Variants in RYR3 observed in about 807,000 individuals in gnomAD.
The protein encoded by RYR3 is brain ryanodine receptor-calcium release channel.
A neutral mutation model predicts 584.3 loss-of-function variants in RYR3; 207 were observed. The ratio of observed to expected loss-of-function variants is 0.35; its 90% confidence interval spans 0.32 to 0.40. The LOEUF is 0.40. Among genes scored for constraint, RYR3 ranks in the 10% least tolerant of loss-of-function variants. RYR3 has a pLI of 1.00. For missense variants in RYR3, 5,616 were observed against 6,089.2 expected, an observed-to-expected ratio of 0.92 and a Z score of 2.59; for synonymous variants, 2,416 against 2,248.5, an observed-to-expected ratio of 1.07 and a Z score of -2.11.
chr15:33,642,907 C>T (rs9302273), intron 27 of RYR3, among the ~76,000 whole-genome samples: 150,537 of 152,344 alleles, frequency 0.99, 74,403 homozygotes, highest in Middle Eastern at 1. Context: ...CATTCTCTTT[C>T]ATTTAGACAC....
intron 38 of RYR3, among the ~76,000 whole-genome samples, chr15:33,683,973 G>A (rs2064815598): frequency 6.6e-6 from 1 of 152,250 alleles, no homozygotes; most frequent in Non-Finnish European, 1.5e-5. Context: ...GGTAAACGAA[G>A]CAGCCAGGAA....
chr15:33,687,664 A>G (rs543578271), intron 38 of RYR3, among the ~76,000 whole-genome samples: 1 of 152,254 alleles, frequency 6.6e-6, no homozygotes, highest in East Asian at 1.9e-4. Flanking sequence ...TTCAAACTAT[A>G]CTACAAGGCT....
chr15:33,382,546 C>G (rs1360721083), intron 1 of RYR3, among the ~76,000 whole-genome samples: 2 of 152,060 alleles, frequency 1.3e-5, no homozygotes. Flanking sequence ...TGCTCTCAAA[C>G]TCCTGACCTT....
At chr15:33,524,553 G>A (rs371172701) in intron 3 of RYR3, among the ~76,000 whole-genome samples, 2 of 152,142 alleles carry the variant, frequency 1.3e-5, no homozygotes, top group Non-Finnish European at 2.9e-5. Flanking sequence ...CTACAGAAAA[G>A]GTTATGGACT....
At chr15:33,824,490 C>G (rs2077272749) in intron 81 of RYR3, among the ~76,000 whole-genome samples, 1 of 152,140 alleles carries the variant, frequency 6.6e-6, no homozygotes, top group African/African-American at 2.4e-5. Context: ...AATGTTCTTT[C>G]CCATGTTTTC....
At chr15:33,600,259 C>T (rs1357194186) in intron 16 of RYR3, among the ~76,000 whole-genome samples, 1 of 152,080 alleles carries the variant, frequency 6.6e-6, no homozygotes, top group East Asian at 1.9e-4. Flanking sequence ...GATACAAATG[C>T]CATGAACACC....
At chr15:33,336,061 C>T (rs1970928052) in intron 1 of RYR3, among the ~76,000 whole-genome samples, 1 of 151,996 alleles carries the variant, frequency 6.6e-6, no homozygotes, top group African/African-American at 2.4e-5. Context: ...CTGGGTCCTC[C>T]AAAAAGTAGA....
intron 2 of RYR3, among the ~76,000 whole-genome samples, chr15:33,479,084 A>G (rs1377987356): frequency 8.4e-6 from 1 of 118,480 alleles, no homozygotes; most frequent in Non-Finnish European, 1.7e-5. Context: ...TATTGTTTTC[A>G]TCTCCTGTTT....
Position 33,725,184 on chromosome 15 carries a change from C to CACACACACACACACACACACATATAT in RYR3, c.6912+1027_6912+1028insCATATATACACACACACACACACACA, listed in dbSNP as rs2068278967. On this transcript the variant is annotated intron_variant, in intron 45 of 103. Transcript: ENST00000634891. ...ACACACACACACACACACACACACA[C>CACACACACACACACACACACATATAT]ACACACACACACACACACATATATA... 2.0e-5 allele frequency among the ~76,000 whole-genome samples: 3 copies of CACACACACACACACACACACATATAT among 147,614 alleles called. No homozygotes were observed. In the South Asian group the frequency reaches 6.3e-4, roughly 31 times the overall value.
chr15:33,540,810 G>T lies in RYR3; in HGVS notation c.566G>T (p.Gly189Val). ...ERYLHLSVSN[G>V]NIQVDASFMQ... is the part of the protein sequence containing the mutation. ...CTGCAGCATCTCTCAGTATCAAATG[G>T]TAACATACAAGTGGATGCCTCCTTT... The change falls in exon 7 of 104, where the codon GGT (glycine) becomes GTT (valine). Residue 189 changes from glycine (G) to valine (V), a missense_variant. Gly to Val is a moderately radical substitution (Grantham distance 109). Around this residue, in one of 9 missense-constraint regions of RYR3, gnomAD observed 1,284 missense variants for 1,344.6 expected, o/e 0.95. Transcript: ENST00000634891. The T allele has an allele frequency of 6.2e-7, 1 of 1,609,926 alleles. No homozygotes were observed.
At chr15:33,340,130 A>G (rs779499215) in intron 1 of RYR3, among the ~76,000 whole-genome samples, 46 of 152,246 alleles carry the variant, frequency 3.0e-4, no homozygotes, top group Middle Eastern at 6.8e-3. Flanking sequence ...GTGTTATTCA[A>G]TCTTCCTTAG....
intron 60 of RYR3, 67 bp from the exon 61 acceptor site, chr15:33,768,590 GT>G: frequency 7.5e-7 from 1 of 1,325,966 alleles, no homozygotes. Flanking sequence ...GGACATTGGG[GT>G]GGGGGATACA....
chr15:33,784,511 C>T lies in RYR3; in HGVS notation c.9269-1151C>T, dbSNP rs556061274. On this transcript the variant is annotated intron_variant, in intron 65 of 103. Coordinates refer to ENST00000634891, the MANE Select transcript of RYR3 (RefSeq NM_001036.6). ...TGATTCCAAATATCAAAAATAATTT[C>T]CTCAAATCTTCCAGTGAACTGATGT... Among the ~76,000 whole-genome samples, 4 of 152,316 alleles carry T rather than the reference C, an allele frequency of 2.6e-5. No individual in the cohort carries two copies. The East Asian group carries it at 7.7e-4, about 29-fold the overall frequency.
At chr15:33,836,387 C>T (rs2078055593) in intron 87 of RYR3, among the ~76,000 whole-genome samples, 1 of 152,018 alleles carries the variant, frequency 6.6e-6, no homozygotes, top group African/African-American at 2.4e-5. Context: ...CAAAACCATC[C>T]AGAGGAATAG....
At chr15:33,336,786 G>A (rs1281245835) in intron 1 of RYR3, among the ~76,000 whole-genome samples, 2 of 151,968 alleles carry the variant, frequency 1.3e-5, no homozygotes, top group African/African-American at 4.8e-5. Context: ...GCCGGGCGTG[G>A]TGGCTCACGC....
chr15:33,765,833 C>G (rs149813355), intron 60 of RYR3, among the ~76,000 whole-genome samples: 17 of 151,982 alleles, frequency 1.1e-4, no homozygotes, highest in Non-Finnish European at 2.2e-4. Flanking sequence ...AGTTATTGCC[C>G]ATTTGTGTAA....
intron 1 of RYR3, among the ~76,000 whole-genome samples, chr15:33,467,096 A>G (rs1477390335): frequency 1.3e-5 from 2 of 152,234 alleles, no homozygotes; most frequent in Non-Finnish European, 1.5e-5. Context: ...ATATATTTAG[A>G]AAGTAGCTTA....
intron 1 of RYR3, among the ~76,000 whole-genome samples, chr15:33,402,044 G>A (rs71462863): frequency 0.012 from 1,758 of 152,158 alleles, 15 homozygotes; most frequent in Non-Finnish European, 0.019. Context: ...AATAATAGAT[G>A]GAGAAGCCAA....
intron 1 of RYR3, among the ~76,000 whole-genome samples, chr15:33,336,778 C>T (rs988935106): frequency 2.6e-5 from 4 of 151,812 alleles, no homozygotes; most frequent in Non-Finnish European, 5.9e-5. Flanking sequence ...AAACTCTGGC[C>T]GGGCGTGGTG....
Sources: gnomAD v4.1 joint callset for allele counts (sites outside exome capture counted in the v4.1 genomes callset) on GRCh38, gnomAD v4.1.1 for gene constraint, gnomAD v4.1.1 regional missense constraint, MANE v1.5 for transcripts, NCBI Gene and HGNC (gene_info 2026-07-23, HGNC 2026-07-21) for gene names.